The following TBC1D15 variants were observed in gnomAD, a reference collection of about 807,000 sequenced individuals.
TBC1D15 encodes the protein TBC1 domain family member 15.
Under a neutral mutation model 95.4 loss-of-function variants are expected in TBC1D15, and 39 were observed. The observed-to-expected ratio is 0.41, with a 90% CI of 0.32 to 0.53. The LOEUF is 0.53. Among genes scored for constraint, TBC1D15 ranks in the 20% least tolerant of loss-of-function variants. TBC1D15 has a pLI of 0.29. For missense variants in TBC1D15, 733 were observed against 794.3 expected, an observed-to-expected ratio of 0.92 and a Z score of 0.93; for synonymous variants, 258 against 261.3, an observed-to-expected ratio of 0.99 and a Z score of 0.12.
chr12:71,909,141 A>T (rs1901546961), intron 11 of TBC1D15, among the ~76,000 whole-genome samples: 1 of 152,232 alleles, frequency 6.6e-6, no homozygotes, highest in South Asian at 2.1e-4. Flanking sequence ...CCATTTGTTT[A>T]TACTAATGTC....
Position 71,850,254 on chromosome 12 carries a change from A to T in TBC1D15, c.30+10443A>T, listed in dbSNP as rs550169015. The T allele has an allele frequency of 7.3e-4, 389 of 530,034 alleles. 4 individuals carry two copies. Among genetic ancestry groups the T allele is most frequent in the South Asian group, 6.0e-3 (377 of 63,044 alleles). The allele number at this position is 530,034 out of a possible 1,614,324, so 32.8% of individuals were successfully genotyped here. A position where few individuals can be genotyped will look rare whatever the true frequency, so the allele number is the denominator to read the frequency against. Reference sequence around the variant, plus strand: ...CAGTTTTCTTCCTTTCAAAAGAAGTAACATTTCTCTGTCAAATTTTGTCAT... The same window carrying T: ...CAGTTTTCTTCCTTTCAAAAGAAGTTACATTTCTCTGTCAAATTTTGTCAT... On this transcript the variant is annotated intron_variant, in intron 1 of 16. Transcript: ENST00000485960.
chr12:71,850,726 C>T (rs893839839), intron 1 of TBC1D15, among the ~76,000 whole-genome samples: 15 of 152,214 alleles, frequency 9.9e-5, no homozygotes, highest in Admixed American at 4.6e-4. Context: ...CAGTGGCTCA[C>T]GCCTGTAATC....
At chr12:71,877,290 T>G (rs1296900816) in intron 3 of TBC1D15, among the ~76,000 whole-genome samples, 2 of 151,582 alleles carry the variant, frequency 1.3e-5, no homozygotes, top group Non-Finnish European at 2.9e-5. Context: ...GTTATGTGCC[T>G]TTGTGGATTT....
intron 3 of TBC1D15, among the ~76,000 whole-genome samples, chr12:71,873,410 T>A (rs956019252): frequency 6.6e-6 from 1 of 152,228 alleles, no homozygotes; most frequent in African/African-American, 2.4e-5. Flanking sequence ...TTGTTTTTGA[T>A]GAATAATATT....
intron 5 of TBC1D15, among the ~76,000 whole-genome samples, chr12:71,887,272 C>G (rs1896418306): frequency 6.6e-6 from 1 of 152,056 alleles, no homozygotes; most frequent in East Asian, 1.9e-4. Context: ...ACTATTTTTA[C>G]TTGATTACAG....
rs749969655 is a variant in TBC1D15, at chr12:71,896,780, C to T, written c.1088C>T (p.Thr363Ile). 1.3e-5 allele frequency: 21 copies of T among 1,608,420 alleles called. No individual in the cohort carries two copies. The highest frequency in any genetic ancestry group is 6.7e-5 in the East Asian group (3 of 44,732). ...AGAACCCAATTACAAAAGCAAAAAA[C>T]GTAAGTAATGGTCTTTCGTACATTT... ...EERTQLQKQK[T>I]DEYFRMKLQW... The change falls in exon 9 of 17, where the codon ACT becomes ATT. Residue 363 changes from threonine (T) to isoleucine (I), a missense_variant and splice_region_variant. By Grantham distance (89) the Thr-to-Ile change is moderately conservative. Transcript: ENST00000485960.
chr12:71,872,093 A>G lies in TBC1D15; in HGVS notation c.54A>G (p.Val18=), dbSNP rs755084600. 1 of 1,562,404 alleles carries G rather than the reference A, an allele frequency of 6.4e-7. No individual in the cohort carries two copies. The highest frequency in any genetic ancestry group is 1.2e-5 in the South Asian group (1 of 80,988). Reference sequence around the variant, plus strand: ...AGATTATATATGAACAAGAAGGAGTATATATTCACTCATCTTGTGGAAAGA... The same window carrying G: ...AGATTATATATGAACAAGAAGGAGTGTATATTCACTCATCTTGTGGAAAGA... The part of the protein sequence containing the change: ...SGKIIYEQEG[V]YIHSSCGKTN... Residue 18 remains valine (V), a synonymous_variant, in exon 2 of 17, where the codon GTA becomes GTG. Coordinates refer to ENST00000485960, the MANE Select transcript of TBC1D15 (RefSeq NM_001146213.3).
intron 1 of TBC1D15, among the ~76,000 whole-genome samples, chr12:71,842,959 G>C (rs1476384476): frequency 6.6e-6 from 1 of 151,934 alleles, no homozygotes; most frequent in Admixed American, 6.6e-5. Flanking sequence ...ATTCACTCTA[G>C]GTTTTCCTGT....
rs141136684 is a variant in TBC1D15 at position 71,893,309 on chromosome 12, A to C, written c.642A>C (p.Ala214=). The part of the protein sequence containing the change: ...QSFENLLDEP[A]YGLIQKIKKD... Reference sequence around the variant, plus strand: ...TTGAAAATCTTCTTGATGAGCCAGCATATGGTTTAATACAAGTATGTTCCT... The same window carrying C: ...TTGAAAATCTTCTTGATGAGCCAGCCTATGGTTTAATACAAGTATGTTCCT... The change falls in exon 6 of 17, where the codon GCA becomes GCC. Residue 214 remains alanine (A), a synonymous_variant. Transcript: ENST00000485960. 3.7e-6 allele frequency: 6 copies of C among 1,607,908 alleles called. No homozygotes were observed. In the African/African-American group the frequency reaches 5.4e-5, roughly 14 times the overall value.
intron 1 of TBC1D15, among the ~76,000 whole-genome samples, chr12:71,851,816 C>T (rs1887896533): frequency 7.9e-6 from 1 of 126,556 alleles, no homozygotes; most frequent in Admixed American, 7.7e-5. Flanking sequence ...AGGGCTCAGC[C>T]CCTGTGGCTG....
chr12:71,877,450 A>T (rs540278772), intron 3 of TBC1D15, among the ~76,000 whole-genome samples: 68 of 148,900 alleles, frequency 4.6e-4, no homozygotes, highest in Non-Finnish European at 4.9e-4. Context: ...GGAGCTCTAC[A>T]ATTTCTGGAC....
intron 1 of TBC1D15, among the ~76,000 whole-genome samples, chr12:71,847,767 G>C (rs1477678774): frequency 6.6e-6 from 1 of 151,826 alleles, no homozygotes; most frequent in Non-Finnish European, 1.5e-5. Context: ...GTGTTTGATA[G>C]ACATTTGGGT....
At chr12:71,852,713 G>A (rs1460597468) in intron 1 of TBC1D15, among the ~76,000 whole-genome samples, 1 of 152,184 alleles carries the variant, frequency 6.6e-6, no homozygotes, top group African/African-American at 2.4e-5. Flanking sequence ...CAGGGGCACA[G>A]TGCAGCCAGG....
intron 4 of TBC1D15, 37 bp downstream of exon 4, chr12:71,880,644 G>C (rs745312372): frequency 1.6e-5 from 26 of 1,575,888 alleles, no homozygotes; most frequent in Non-Finnish European, 2.0e-5. Flanking sequence ...AAACTGATTT[G>C]CTACAGTATA....
chr12:71,874,363 G>A (rs947327140), intron 3 of TBC1D15, among the ~76,000 whole-genome samples: 10 of 152,126 alleles, frequency 6.6e-5, no homozygotes, highest in African/African-American at 2.4e-4. Context: ...CTTTTCATGG[G>A]ATTATTGGCC....
At chr12:71,860,682 A>G (rs1158730235) in intron 1 of TBC1D15, among the ~76,000 whole-genome samples, 1 of 152,118 alleles carries the variant, frequency 6.6e-6, no homozygotes, top group East Asian at 1.9e-4. Flanking sequence ...TATATCTGCA[A>G]ACAAGGATTC....
intron 1 of TBC1D15, among the ~76,000 whole-genome samples, chr12:71,846,165 T>C (rs1328681360): frequency 1.3e-5 from 2 of 152,234 alleles, no homozygotes; most frequent in Admixed American, 1.3e-4. Context: ...AGAACTCTTT[T>C]AATAAGGTAT....
In TBC1D15 at chr12:71,922,999, T is replaced by G; in HGVS notation, c.1820T>G (p.Val607Gly). The G allele has an allele frequency of 1.2e-6, 2 of 1,614,218 alleles. No individual in the cohort carries two copies. Among genetic ancestry groups the G allele is most frequent in the Non-Finnish European group, 1.7e-6 (2 of 1,180,016 alleles). Residue 607 changes from valine (V) to glycine (G), a missense_variant, in exon 17 of 17, where the codon GTC (valine) becomes GGC (glycine). Transcript: ENST00000485960. ...CATATCCAGGAATTGCCACAAGCAG[T>G]CTGTGAGATCCTTGGGCTTCAAGGC... Reference protein sequence around the residue: ...MVKCKELPQAVCEILGLQGSE... With the variant: ...MVKCKELPQAGCEILGLQGSE...
In TBC1D15 at chr12:71,894,564, A is replaced by G. The variant is rs1340316200; in HGVS notation, c.658-122A>G. Reference sequence around the variant, plus strand: ...AAATACAAATTTAAGATAATCTTAGAACACTCTGTTTTAGTCCTGATTTCT... The same window carrying G: ...AAATACAAATTTAAGATAATCTTAGGACACTCTGTTTTAGTCCTGATTTCT... On this transcript the variant is annotated intron_variant, in intron 6 of 16. Transcript: ENST00000485960. The G allele has an allele frequency of 4.6e-6, 5 of 1,094,720 alleles. No homozygotes were observed. The African/African-American group carries it at 8.0e-5, about 18-fold the overall frequency. 67.8% of individuals were successfully genotyped at this position (1,094,720 alleles called of 1,614,324 possible).
Sources: gnomAD v4.1 joint callset for allele counts (sites outside exome capture counted in the v4.1 genomes callset) on GRCh38, gnomAD v4.1.1 for gene constraint, MANE v1.5 for transcripts, NCBI Gene and HGNC (gene_info 2026-07-23, HGNC 2026-07-21) for gene names.